The following SLC35E2B variants were observed in gnomAD, a reference collection of about 807,000 sequenced individuals.
The protein encoded by SLC35E2B is solute carrier family 35, member E2B.
SLC35E2B carries 18 observed loss-of-function variants against 32.4 expected under a neutral mutation model. The ratio of observed to expected loss-of-function variants is 0.56; its 90% CI spans 0.38 to 0.82. The LOEUF (loss-of-function observed/expected upper bound fraction) is 0.82, where lower values mean the gene tolerates loss of function less well. SLC35E2B is among the 40% of genes least tolerant of loss of function. The pLI is 0.00. For missense variants in SLC35E2B, 263 were observed against 469.5 expected (o/e 0.56, Z 4.06); for synonymous variants, 132 against 209.1 (o/e 0.63, Z 3.18).
chr1:1,685,432 A>C lies in SLC35E2B; in HGVS notation c.-148+5544T>G, dbSNP rs551425673. Among the ~76,000 whole-genome samples, 656 of 150,688 alleles carry C rather than the reference A, an allele frequency of 4.4e-3. 8 individuals carry two copies. The highest frequency in any genetic ancestry group is 0.016 in the African/African-American group (635 of 40,862). ...TTTCTCAGAAAAAAAAAAAAAAAAA[A>C]GAAAAGGAAAAAGAAATACAGGAAG... On this transcript the variant is annotated intron_variant, in intron 2 of 9. Transcript: ENST00000617444.
rs866678045 is a variant in SLC35E2B, at chr1:1,688,030, G to A, written c.-148+2946C>T. ...GAGGAGCGGTCATGTTGGCTGCGCC[G>A]AAAGTTTGTGATCTAGGAATGAACT... On this transcript the variant is annotated intron_variant, in intron 2 of 9. Transcript: ENST00000617444. Among the ~76,000 whole-genome samples the A allele has an allele frequency of 5.9e-5, 9 of 152,150 alleles. No individual in the cohort carries two copies. In the East Asian group the frequency reaches 1.7e-3, roughly 29 times the overall value.
At chr1:1,692,145 GT>G (rs1212059328) in intron 1 of SLC35E2B, among the ~76,000 whole-genome samples, 2 of 117,970 alleles carry the variant, frequency 1.7e-5, no homozygotes, top group Non-Finnish European at 3.5e-5. Flanking sequence ...TTTGTTTTGT[GT>G]TTTTTTGTTG....
At position 1,671,475 on chromosome 1, in the gene SLC35E2B, C is replaced by A. The variant is rs1333556130; in HGVS notation, c.707+34G>T. Reference sequence around the variant, plus strand: ...CCAGATGCAGGTGAGCACCGGGTCTCGTCCCCCTCACGCCCACCTTCTCTG... The same window carrying A: ...CCAGATGCAGGTGAGCACCGGGTCTAGTCCCCCTCACGCCCACCTTCTCTG... On this transcript the variant is annotated intron_variant, in intron 6 of 9. Transcript: ENST00000617444. 3.5e-6 allele frequency: 5 copies of A among 1,415,662 alleles called. No homozygotes were observed. The African/African-American group carries it at 7.3e-5, about 21-fold the overall frequency. 87.7% of individuals were successfully genotyped at this position (1,415,662 alleles called of 1,614,324 possible). A position where few individuals can be genotyped will look rare whatever the true frequency, so the allele number is the denominator to read the frequency against.
Position 1,670,128 on chromosome 1 carries a change from T to C in SLC35E2B, c.731A>G (p.Lys244Arg). Residue 244 changes from lysine to arginine, a missense_variant, in exon 7 of 10, where the codon AAG becomes AGG. Coordinates refer to ENST00000617444, the MANE Select transcript of SLC35E2B (RefSeq NM_001290264.2). ...MDCLQNVFSK[K>R]LLSGDKYRFS... ...CCTGTATTTGTCCCCGCTGAGCAGC[T>C]TTTTTGAAAAAACATTTTGCAAACT... 6.4e-7 allele frequency: 1 copy of C among 1,551,668 alleles called. No homozygotes were observed. Among genetic ancestry groups the C allele is most frequent in the East Asian group, 2.4e-5 (1 of 40,924 alleles).
chr1:1,680,122 C>T (rs938814160), intron 2 of SLC35E2B, among the ~76,000 whole-genome samples: 3 of 150,558 alleles, frequency 2.0e-5, no homozygotes, highest in Admixed American at 6.6e-5. Flanking sequence ...AGTGAAACTC[C>T]GTCTCAAAAA....
chr1:1,665,197 G>A lies in SLC35E2B; in HGVS notation c.*585C>T, dbSNP rs899446581. The A allele has an allele frequency of 2.1e-4, 38 of 177,046 alleles. No homozygotes were observed. The highest frequency in any genetic ancestry group is 2.3e-3 in the Middle Eastern group (1 of 438). 11.0% of individuals were successfully genotyped at this position (177,046 alleles called of 1,614,324 possible). On this transcript the variant is annotated 3_prime_UTR_variant, in exon 10 of 10. Transcript: ENST00000617444. Reference sequence around the variant, plus strand: ...TGCAATGCTGCAGCTTGAGGCTTGCGATGCCTCTGGGATAGTCTGAGGATG... The same window carrying A: ...TGCAATGCTGCAGCTTGAGGCTTGCAATGCCTCTGGGATAGTCTGAGGATG...
intron 2 of SLC35E2B, among the ~76,000 whole-genome samples, chr1:1,680,779 T>C (rs1034877278): frequency 3.3e-5 from 5 of 151,178 alleles, no homozygotes; most frequent in Non-Finnish European, 7.4e-5. Context: ...TGTCCCTGCG[T>C]AAATGCCTGA....
intron 9 of SLC35E2B, among the ~76,000 whole-genome samples, chr1:1,667,504 G>A (rs1643578487): frequency 6.6e-6 from 1 of 152,146 alleles, no homozygotes; most frequent in African/African-American, 2.4e-5. Flanking sequence ...GAAGCTGAAG[G>A]ATCCTCCCCG....
At chr1:1,685,854 C>CGA (rs1171348672) in intron 2 of SLC35E2B, among the ~76,000 whole-genome samples, 1 of 152,148 alleles carries the variant, frequency 6.6e-6, no homozygotes, top group Non-Finnish European at 1.5e-5. Flanking sequence ...TTTCTTGAGA[C>CGA]GGAGTCTCGC....
chr1:1,671,751 T>C (rs1331817332), intron 5 of SLC35E2B, 122 bp from the exon 6 acceptor site: 10 of 1,051,144 alleles, frequency 9.5e-6, no homozygotes, highest in Admixed American at 3.7e-5. Context: ...TCAAAAACAA[T>C]ACTTGTCAGT....
rs568392106 is a variant in SLC35E2B at position 1,673,700 on chromosome 1, C to T, written c.586+1763G>A. 4.0e-5 allele frequency among the ~76,000 whole-genome samples: 6 copies of T among 149,508 alleles called. No homozygotes were observed. The South Asian group carries it at 1.3e-3, about 32-fold the overall frequency. Reference sequence around the variant, plus strand: ...AAAGAGGGCCGGCTGTGGTGGCTAACACCTGTAATCCCAGCACTTTGGGAG... The same window carrying T: ...AAAGAGGGCCGGCTGTGGTGGCTAATACCTGTAATCCCAGCACTTTGGGAG... On this transcript the variant is annotated intron_variant, in intron 5 of 9. Transcript: ENST00000617444.
At chr1:1,688,696 G>A (rs1328605623) in intron 2 of SLC35E2B, among the ~76,000 whole-genome samples, 3 of 151,510 alleles carry the variant, frequency 2.0e-5, no homozygotes, top group African/African-American at 7.3e-5. Flanking sequence ...AGCTATGCAC[G>A]CACAAAGCAT....
At chr1:1,673,029 G>C (rs1162064754) in intron 5 of SLC35E2B, 1 of 156,994 alleles carries the variant, frequency 6.4e-6, no homozygotes, top group Non-Finnish European at 1.4e-5. Flanking sequence ...TGCATGGCTC[G>C]ATGCGCAATA....
chr1:1,682,631 G>A (rs140107769), intron 2 of SLC35E2B, among the ~76,000 whole-genome samples: 1,725 of 152,184 alleles, frequency 0.011, 17 homozygotes, highest in Non-Finnish European at 0.018. Flanking sequence ...ATTCCAGCAC[G>A]TGCTCCTCTC....
chr1:1,681,148 A>G (rs897847471), intron 2 of SLC35E2B, among the ~76,000 whole-genome samples: 2 of 152,068 alleles, frequency 1.3e-5, no homozygotes, highest in Non-Finnish European at 2.9e-5. Flanking sequence ...TGACGGTACA[A>G]ATGCAAACAG....
chr1:1,667,894 C>A (rs1427952939), intron 9 of SLC35E2B, among the ~76,000 whole-genome samples: 3 of 151,704 alleles, frequency 2.0e-5, no homozygotes, highest in Admixed American at 1.3e-4. Context: ...CTCCCATCCC[C>A]CAGGCTGGAG....
intron 2 of SLC35E2B, among the ~76,000 whole-genome samples, chr1:1,679,122 C>T (rs1003975857): frequency 2.0e-5 from 3 of 152,298 alleles, no homozygotes; most frequent in Middle Eastern, 3.4e-3. Flanking sequence ...ACAGGCTCTG[C>T]CACCACCAGC....
At chr1:1,686,018 T>C (rs946664775) in intron 2 of SLC35E2B, among the ~76,000 whole-genome samples, 1 of 47,372 alleles carries the variant, frequency 2.1e-5, no homozygotes, top group Non-Finnish European at 4.7e-5. Context: ...TTTCATTTCA[T>C]TTTTAGATGG....
At chr1:1,667,729 A>G (rs554780965) in intron 9 of SLC35E2B, among the ~76,000 whole-genome samples, 2 of 152,176 alleles carry the variant, frequency 1.3e-5, no homozygotes, top group Non-Finnish European at 2.9e-5. Flanking sequence ...GCAACGCCCG[A>G]CTATTCTAGA....
Sources: gnomAD v4.1 joint callset for allele counts (sites outside exome capture counted in the v4.1 genomes callset) on GRCh38, gnomAD v4.1.1 for gene constraint, MANE v1.5 for transcripts, NCBI Gene and HGNC (gene_info 2026-07-23, HGNC 2026-07-21) for gene names.